The following TBL1X variants were observed in gnomAD, a reference collection of about 807,000 sequenced individuals.
TBL1X encodes F-box-like/WD repeat-containing protein TBL1X.
A neutral mutation model predicts 50.7 loss-of-function variants in TBL1X; 10 were observed. The observed-to-expected ratio is 0.20, with a 90% CI of 0.12 to 0.33. TBL1X has a LOEUF of 0.33. Ranked by LOEUF, TBL1X falls within the 10% of genes least tolerant of loss-of-function variation. The pLI is 1.00. For missense variants in TBL1X, 340 were observed against 504.4 expected, an observed-to-expected ratio of 0.67 and a Z score of 3.12; for synonymous variants, 190 against 214.7, an observed-to-expected ratio of 0.88 and a Z score of 1.01.
chrX:9,577,424 A>G (rs2082418143), intron 2 of TBL1X, among the ~76,000 whole-genome samples: 1 of 111,891 alleles, frequency 8.9e-6, no homozygotes, highest in African/African-American at 3.2e-5. Flanking sequence ...CCTAGGCCTG[A>G]TTTTGGTGGC....
rs1454065463 is a variant in TBL1X, at chrX:9,621,747, C to A, written c.-130-18526C>A. Among the ~76,000 whole-genome samples, 3 of 111,953 alleles carry A rather than the reference C, an allele frequency of 2.7e-5. No homozygotes were observed. In the East Asian group the frequency reaches 8.3e-4, roughly 31 times the overall value. On this transcript the variant is annotated intron_variant, in intron 2 of 17. Transcript: ENST00000645353. ...TAACAAGAACACCCAGCCCATTTCC[C>A]AACGACACAAATTAATACAAATTTA...
chrX:9,476,775 A>AATT (rs1555956296), intron 1 of TBL1X, among the ~76,000 whole-genome samples: 1 of 111,063 alleles, frequency 9.0e-6, no homozygotes, highest in East Asian at 2.8e-4. Flanking sequence ...GAAGACAGTA[A>AATT]CTTATTAGGA....
intron 5 of TBL1X, among the ~76,000 whole-genome samples, chrX:9,681,132 C>T (rs1360892735): frequency 8.9e-6 from 1 of 111,952 alleles, no homozygotes; most frequent in East Asian, 2.8e-4. Context: ...AAATCAAGGG[C>T]ACACTCCCTC....
At chrX:9,490,474 C>T (rs1437110574) in intron 1 of TBL1X, among the ~76,000 whole-genome samples, 1 of 112,064 alleles carries the variant, frequency 8.9e-6, no homozygotes, top group Admixed American at 9.5e-5. Context: ...ACAGGACAGC[C>T]CCCCTCAAAG....
intron 3 of TBL1X, among the ~76,000 whole-genome samples, chrX:9,649,169 A>G (rs2082820747): frequency 8.9e-6 from 1 of 112,362 alleles, no homozygotes. Flanking sequence ...TTCAGAGAAT[A>G]TTCTCATGCT....
At chrX:9,512,846 C>CT (rs978052577) in intron 2 of TBL1X, among the ~76,000 whole-genome samples, 1 of 111,650 alleles carries the variant, frequency 9.0e-6, no homozygotes, top group Non-Finnish European at 1.9e-5. Flanking sequence ...TCCCGTGAGT[C>CT]TTTCAGGGAA....
intron 2 of TBL1X, among the ~76,000 whole-genome samples, chrX:9,523,913 CTTTTT>C (rs1225770140): frequency 2.5e-5 from 2 of 80,785 alleles, no homozygotes; most frequent in African/African-American, 9.3e-5. Context: ...TTTTTCTTTT[CTTTTT>C]ATTGGTAAAA....
At chrX:9,571,165 G>A (rs2082384365) in intron 2 of TBL1X, among the ~76,000 whole-genome samples, 2 of 111,556 alleles carry the variant, frequency 1.8e-5, no homozygotes, top group South Asian at 7.6e-4. Context: ...TTTCTGGGGA[G>A]GCCTCTCCTC....
intron 11 of TBL1X, among the ~76,000 whole-genome samples, chrX:9,696,225 G>T (rs1389191342): frequency 1.8e-5 from 2 of 112,425 alleles, no homozygotes; most frequent in Non-Finnish European, 3.8e-5. Context: ...TGTTAGATTT[G>T]TTTTTGCATG....
At chrX:9,530,065 T>C (rs1017283827) in intron 2 of TBL1X, among the ~76,000 whole-genome samples, 2 of 111,865 alleles carry the variant, frequency 1.8e-5, no homozygotes, top group East Asian at 2.8e-4. Flanking sequence ...ACCTGATGAA[T>C]GTGGGGAAAG....
intron 1 of TBL1X, among the ~76,000 whole-genome samples, 169 bp downstream of exon 1, chrX:9,465,616 C>CA (rs1321687975): frequency 2.7e-5 from 3 of 112,238 alleles, no homozygotes; most frequent in Non-Finnish European, 5.7e-5. Flanking sequence ...CCGCGGCGCT[C>CA]GGACTGGGGT....
chrX:9,654,345 G>A (rs761182554), intron 5 of TBL1X, 23 bp downstream of exon 5: 12 of 1,193,409 alleles, frequency 1.0e-5, no homozygotes, highest in African/African-American at 3.6e-5. Context: ...GTTTTCTGTC[G>A]GTAGGAAATT....
chrX:9,522,216 C>A lies in TBL1X; in HGVS notation c.-131+20367C>A, dbSNP rs746819664. 2.0e-3 allele frequency among the ~76,000 whole-genome samples: 217 copies of A among 110,355 alleles called. 1 individual carries two copies. Among genetic ancestry groups the A allele is most frequent in the African/African-American group, 6.7e-3 (203 of 30,371 alleles). On this transcript the variant is annotated intron_variant, in intron 2 of 17. Transcript: ENST00000645353. Reference sequence around the variant, plus strand: ...AACTTTTGTAGAGATGGGGGTCTCGCCATGTTGCCCAGGCTGGTCTCAAAC... The same window carrying A: ...AACTTTTGTAGAGATGGGGGTCTCGACATGTTGCCCAGGCTGGTCTCAAAC...
intron 2 of TBL1X, among the ~76,000 whole-genome samples, chrX:9,569,536 G>C (rs955779770): frequency 1.8e-5 from 2 of 111,940 alleles, no homozygotes; most frequent in Non-Finnish European, 3.8e-5. Flanking sequence ...CAGGGACAGG[G>C]CTGGGCCCGA....
chrX:9,463,415 CATA>C (rs2081748597), upstream of TBL1X: 1 of 112,218 alleles, frequency 8.9e-6, no homozygotes. Flanking sequence ...GCAACTGATA[CATA>C]ATAAGACACA....
At chrX:9,637,756 C>T (rs1053099885) in intron 2 of TBL1X, 3 of 111,260 alleles carry the variant, frequency 2.7e-5, no homozygotes, top group African/African-American at 6.5e-5. Flanking sequence ...CCAAGAGCAT[C>T]GGCGGATCCA....
At chrX:9,576,278 G>A (rs756335144) in intron 2 of TBL1X, among the ~76,000 whole-genome samples, 4 of 112,220 alleles carry the variant, frequency 3.6e-5, no homozygotes, top group Non-Finnish European at 7.5e-5. Flanking sequence ...CCACGTCAGT[G>A]TGTCTCTGCA....
chrX:9,482,274 C>T (rs1199463969), intron 1 of TBL1X, among the ~76,000 whole-genome samples: 3 of 111,902 alleles, frequency 2.7e-5, no homozygotes, highest in Non-Finnish European at 5.6e-5. Context: ...CCTTCCTCGT[C>T]TATAACTAAA....
chrX:9,695,454 A>G (rs2083126029), intron 11 of TBL1X, among the ~76,000 whole-genome samples: 1 of 112,897 alleles, frequency 8.9e-6, no homozygotes, highest in Admixed American at 9.4e-5. Context: ...GATCTTTGCC[A>G]AGATGTTCTA....
Sources: gnomAD v4.1 joint callset for allele counts (sites outside exome capture counted in the v4.1 genomes callset) on GRCh38, gnomAD v4.1.1 for gene constraint, MANE v1.5 for transcripts, NCBI Gene and HGNC (gene_info 2026-07-23, HGNC 2026-07-21) for gene names.